Variants in SLC35F1 observed in about 807,000 individuals in gnomAD.
SLC35F1 encodes solute carrier family 35 member F1, also known as chromosome 6 open reading frame 169.
SLC35F1 carries 14 observed loss-of-function variants against 48.7 expected under a neutral mutation model. The ratio of observed to expected loss-of-function variants is 0.29; its 90% CI spans 0.19 to 0.45. The LOEUF (loss-of-function observed/expected upper bound fraction) is 0.45. Among genes scored for constraint, SLC35F1 ranks in the 20% least tolerant of loss-of-function variants. The pLI is 1.00. For synonymous variants in SLC35F1, 190 were observed against 202.2 expected (o/e 0.94, Z 0.51); for missense variants, 404 against 500.0 (o/e 0.81, Z 1.83).
intron 1 of SLC35F1, among the ~76,000 whole-genome samples, chr6:118,070,220 A>G (rs1772680722): frequency 6.6e-6 from 1 of 151,926 alleles, no homozygotes; most frequent in Non-Finnish European, 1.5e-5. Context: ...AGTGGAGGCT[A>G]AGAGAATCTA....
At chr6:118,244,854 G>A (rs1775486688) in intron 3 of SLC35F1, among the ~76,000 whole-genome samples, 2 of 152,222 alleles carry the variant, frequency 1.3e-5, no homozygotes, top group African/African-American at 4.8e-5. Flanking sequence ...GTATGTGATA[G>A]ATGCTAAAAA....
intron 1 of SLC35F1, among the ~76,000 whole-genome samples, chr6:118,078,688 C>T (rs1016375890): frequency 1.3e-5 from 2 of 152,134 alleles, no homozygotes; most frequent in Admixed American, 1.3e-4. Flanking sequence ...TCTGTCAAGA[C>T]TCTTGTAACA....
At chr6:117,913,832 T>C (rs1397124438) in intron 1 of SLC35F1, among the ~76,000 whole-genome samples, 1 of 152,092 alleles carries the variant, frequency 6.6e-6, no homozygotes, top group Non-Finnish European at 1.5e-5. Context: ...GGGAGGGTCA[T>C]CTGAGGTCAG....
chr6:118,211,313 T>G (rs1362309783), intron 2 of SLC35F1, among the ~76,000 whole-genome samples: 1 of 152,188 alleles, frequency 6.6e-6, no homozygotes, highest in Non-Finnish European at 1.5e-5. Flanking sequence ...CTTTCTTACT[T>G]TCTACCTTGT....
chr6:117,947,725 G>A (rs1037385553), intron 1 of SLC35F1, among the ~76,000 whole-genome samples: 1 of 152,132 alleles, frequency 6.6e-6, no homozygotes, highest in African/African-American at 2.4e-5. Context: ...GAGCAGGTGT[G>A]GGGGAGGACC....
chr6:118,017,729 AT>A (rs1777340938), intron 1 of SLC35F1, among the ~76,000 whole-genome samples: 1 of 152,130 alleles, frequency 6.6e-6, no homozygotes, highest in Non-Finnish European at 1.5e-5. Flanking sequence ...TTCCCTTTTA[AT>A]TTTGTTTTCT....
At chr6:118,068,839 C>T (rs1423259057) in intron 1 of SLC35F1, among the ~76,000 whole-genome samples, 1 of 152,116 alleles carries the variant, frequency 6.6e-6, no homozygotes, top group Non-Finnish European at 1.5e-5. Flanking sequence ...ATAGACTTTA[C>T]AAAGGAGGAA....
intron 7 of SLC35F1, among the ~76,000 whole-genome samples, chr6:118,291,836 G>T (rs1359415980): frequency 6.6e-6 from 1 of 152,162 alleles, no homozygotes; most frequent in Non-Finnish European, 1.5e-5. Flanking sequence ...ATACTGATGT[G>T]GCTGGGCACG....
chr6:118,181,562 TCAAAAGTC>T (rs972281437), intron 2 of SLC35F1, among the ~76,000 whole-genome samples: 3 of 151,856 alleles, frequency 2.0e-5, no homozygotes, highest in African/African-American at 7.3e-5. Context: ...ATGAGACAAA[TCAAAAGTC>T]CAAAACATCA....
At chr6:118,024,171 C>G (rs963366846) in intron 1 of SLC35F1, among the ~76,000 whole-genome samples, 2 of 152,082 alleles carry the variant, frequency 1.3e-5, no homozygotes, top group African/African-American at 4.8e-5. Flanking sequence ...GTGATTTGTT[C>G]CAAATCAGTT....
intron 1 of SLC35F1, among the ~76,000 whole-genome samples, chr6:118,097,529 A>G (rs1419466228): frequency 6.6e-6 from 1 of 152,182 alleles, no homozygotes; most frequent in Non-Finnish European, 1.5e-5. Context: ...TGTTGGACCC[A>G]GAGGGTGATG....
At chr6:118,278,126 C>G (rs77117338) in intron 6 of SLC35F1, among the ~76,000 whole-genome samples, 6,082 of 152,282 alleles carry the variant, frequency 0.04, 419 homozygotes, top group African/African-American at 0.14. Context: ...CCACCTGTTT[C>G]TAAAACCACT....
chr6:117,969,565 A>T (rs892050987), intron 1 of SLC35F1, among the ~76,000 whole-genome samples: 1 of 152,142 alleles, frequency 6.6e-6, no homozygotes. Context: ...CTACAAAAAA[A>T]TTTAAAAATT....
chr6:118,089,588 C>A (rs761424347), intron 1 of SLC35F1, among the ~76,000 whole-genome samples: 17 of 152,182 alleles, frequency 1.1e-4, no homozygotes, highest in Non-Finnish European at 2.2e-4. Context: ...AATGCAGATT[C>A]TCCAAGCTAA....
chr6:118,105,420 C>T (rs959421265), intron 1 of SLC35F1, among the ~76,000 whole-genome samples: 1 of 152,178 alleles, frequency 6.6e-6, no homozygotes, highest in South Asian at 2.1e-4. Flanking sequence ...ACCCGGTGGA[C>T]CTTGTTACCA....
chr6:118,034,684 T>G lies in SLC35F1; in HGVS notation c.174-119761T>G, dbSNP rs558902434. Reference sequence around the variant, plus strand: ...GAACAAAATCATTAGAAAATTACCCTTGGAGTTCATGTTATGCTTTGTTTC... The same window carrying G: ...GAACAAAATCATTAGAAAATTACCCGTGGAGTTCATGTTATGCTTTGTTTC... On this transcript the variant is annotated intron_variant, in intron 1 of 7. Transcript: ENST00000360388. Among the ~76,000 whole-genome samples, 234 of 152,322 alleles carry G rather than the reference T, an allele frequency of 1.5e-3. 1 individual carries two copies. The highest frequency in any genetic ancestry group is 2.7e-3 in the Non-Finnish European group (181 of 68,024).
intron 3 of SLC35F1, among the ~76,000 whole-genome samples, chr6:118,247,618 A>G (rs1173221618): frequency 6.6e-6 from 1 of 152,224 alleles, no homozygotes; most frequent in Non-Finnish European, 1.5e-5. Flanking sequence ...TGAATAATAA[A>G]TCACATTTTT....
intron 7 of SLC35F1, among the ~76,000 whole-genome samples, chr6:118,295,859 T>C (rs1776177078): frequency 6.6e-6 from 1 of 152,196 alleles, no homozygotes; most frequent in Non-Finnish European, 1.5e-5. Context: ...AACTGGCATC[T>C]CTGAAGCCCA....
At chr6:118,073,654 T>C (rs1215094336) in intron 1 of SLC35F1, among the ~76,000 whole-genome samples, 4 of 152,194 alleles carry the variant, frequency 2.6e-5, no homozygotes, top group East Asian at 1.9e-4. Flanking sequence ...ATGAGATTTA[T>C]AAGTGAAATT....
Sources: allele counts gnomAD v4.1 joint callset (sites outside exome capture counted in the v4.1 genomes callset), GRCh38; gene constraint gnomAD v4.1.1; transcripts MANE v1.5; gene names NCBI Gene and HGNC (gene_info 2026-07-23, HGNC 2026-07-21).